The following RABGAP1 variants were observed in gnomAD, a reference collection of about 807,000 sequenced individuals.
The protein encoded by RABGAP1 is rab GTPase-activating protein 1.
In RABGAP1, 23 loss-of-function variants were observed where a neutral mutation model predicts 137.6. The observed-to-expected ratio is 0.17, with a 90% CI of 0.12 to 0.24. RABGAP1 has a LOEUF of 0.24. RABGAP1 is among the 10% of genes least tolerant of loss of function. The pLI, the probability that RABGAP1 is intolerant of heterozygous loss-of-function variation, is 1.00. For synonymous variants in RABGAP1, 451 were observed against 450.7 expected, an observed-to-expected ratio of 1.00 and a Z score of -0.01; for missense variants, 906 against 1,275.8, an observed-to-expected ratio of 0.71 and a Z score of 4.42.
chr9:122,975,747 G>C (rs1835730436), intron 2 of RABGAP1, among the ~76,000 whole-genome samples: 1 of 152,148 alleles, frequency 6.6e-6, no homozygotes, highest in Non-Finnish European at 1.5e-5. Flanking sequence ...AGATAGTTCT[G>C]TAAAAACCAC....
chr9:123,031,791 CTCTACAGGACA>C (rs940600950), intron 13 of RABGAP1, among the ~76,000 whole-genome samples: 44 of 152,310 alleles, frequency 2.9e-4, no homozygotes, highest in East Asian at 2.1e-3. Context: ...TGGTTGAAAT[CTCTACAGGACA>C]TCTACAGGAC....
intron 13 of RABGAP1, among the ~76,000 whole-genome samples, chr9:123,037,994 A>G (rs2032755018): frequency 6.6e-6 from 1 of 152,192 alleles, no homozygotes; most frequent in African/African-American, 2.4e-5. Context: ...CAGAGGAAAC[A>G]TATACTTTTG....
intron 12 of RABGAP1, among the ~76,000 whole-genome samples, chr9:123,016,027 G>C (rs1365374002): frequency 2.0e-5 from 3 of 152,150 alleles, no homozygotes; most frequent in Non-Finnish European, 4.4e-5. Flanking sequence ...TCCCTTATCT[G>C]TGATAAGTAT....
intron 13 of RABGAP1, among the ~76,000 whole-genome samples, chr9:123,026,184 C>T (rs938781004): frequency 2.0e-5 from 3 of 151,796 alleles, no homozygotes; most frequent in Non-Finnish European, 2.9e-5. Flanking sequence ...ATTAGCCGGC[C>T]GTGGTGGTGG....
rs117618097 is a variant in RABGAP1 at position 123,086,880 on chromosome 9, C to T, written c.2425-2878C>T. Among the ~76,000 whole-genome samples the T allele has an allele frequency of 4.3e-4, 66 of 152,248 alleles. No individual in the cohort carries two copies. In the East Asian group the frequency reaches 0.012, roughly 28 times the overall value. On this transcript the variant is annotated intron_variant, in intron 19 of 25. Transcript: ENST00000373647. The stretch of plus-strand genomic sequence containing the variant: ...GACTGATTCGGAAGTAAATGAAGAC[C>T]ATCAGCTAGAGAAACAAGCAGAGCT...
intron 19 of RABGAP1, among the ~76,000 whole-genome samples, chr9:123,079,447 C>T (rs1217092347): frequency 1.3e-5 from 2 of 151,996 alleles, no homozygotes. Flanking sequence ...CCATGTTGGC[C>T]AGGCTGGTCT....
intron 19 of RABGAP1, among the ~76,000 whole-genome samples, chr9:123,082,437 C>T (rs2034738186): frequency 6.6e-6 from 1 of 152,210 alleles, no homozygotes; most frequent in Non-Finnish European, 1.5e-5. Flanking sequence ...TTTCATACAA[C>T]TGCACCTTGC....
chr9:123,004,665 T>C (rs2030050106), intron 10 of RABGAP1, among the ~76,000 whole-genome samples: 1 of 152,204 alleles, frequency 6.6e-6, no homozygotes, highest in African/African-American at 2.4e-5. Context: ...TTTTCAGTAA[T>C]AATTTGACAT....
intron 1 of RABGAP1, among the ~76,000 whole-genome samples, chr9:122,953,147 A>G (rs940163137): frequency 8.5e-5 from 13 of 152,246 alleles, no homozygotes; most frequent in Non-Finnish European, 1.6e-4. Context: ...TAAGCCAAGA[A>G]GTAGAGATAG....
intron 13 of RABGAP1, among the ~76,000 whole-genome samples, chr9:123,028,690 G>A (rs1364520888): frequency 6.6e-6 from 1 of 152,182 alleles, no homozygotes; most frequent in Non-Finnish European, 1.5e-5. Flanking sequence ...GGCAACAGAA[G>A]CGAATGAAGC....
chr9:123,029,295 A>G (rs925783589), intron 13 of RABGAP1: 9 of 571,842 alleles, frequency 1.6e-5, no homozygotes, highest in Middle Eastern at 9.8e-4. Flanking sequence ...ATAATATGTT[A>G]ATTAATCAAT....
At chr9:123,072,877 T>C (rs2034399611) in intron 15 of RABGAP1, among the ~76,000 whole-genome samples, 1 of 152,206 alleles carries the variant, frequency 6.6e-6, no homozygotes, top group Admixed American at 6.6e-5. Flanking sequence ...AAATAACATT[T>C]CCAGTGCTTC....
intron 13 of RABGAP1, among the ~76,000 whole-genome samples, chr9:123,046,585 G>A (rs1487540984): frequency 6.6e-6 from 1 of 152,202 alleles, no homozygotes; most frequent in African/African-American, 2.4e-5. Flanking sequence ...ACTGTCTCAT[G>A]TGAGTATTGT....
chr9:123,068,384 G>C (rs927663839), intron 14 of RABGAP1, among the ~76,000 whole-genome samples: 1 of 150,118 alleles, frequency 6.7e-6, no homozygotes, highest in Non-Finnish European at 1.5e-5. Context: ...TCCATATCTA[G>C]ACATTGGGAG....
intron 10 of RABGAP1, among the ~76,000 whole-genome samples, chr9:123,002,300 A>G (rs1837361793): frequency 7.1e-6 from 1 of 140,912 alleles, no homozygotes; most frequent in East Asian, 2.2e-4. Context: ...AAACTCCGTC[A>G]AAAAAAAAAA....
intron 5 of RABGAP1, 186 bp from the exon 6 acceptor site, chr9:122,989,869 TA>T: frequency 1.6e-6 from 1 of 608,248 alleles, no homozygotes. Flanking sequence ...ATTTCTTTTT[TA>T]AAACCCCTTG....
intron 2 of RABGAP1, among the ~76,000 whole-genome samples, chr9:122,968,384 G>A (rs925085370): frequency 2.6e-5 from 4 of 151,584 alleles, no homozygotes; most frequent in African/African-American, 7.3e-5. Flanking sequence ...CACTATGCCC[G>A]GCTAATTTTC....
chr9:122,965,308 G>C (rs532373789), intron 2 of RABGAP1, among the ~76,000 whole-genome samples: 38 of 152,184 alleles, frequency 2.5e-4, no homozygotes, highest in Non-Finnish European at 4.6e-4. Flanking sequence ...TGGTTGCCTA[G>C]GGCTGGTTGG....
chr9:123,093,886 A>T (rs2035103209), intron 21 of RABGAP1, among the ~76,000 whole-genome samples: 1 of 152,242 alleles, frequency 6.6e-6, no homozygotes. Context: ...CATCTGAACA[A>T]CAGTTGAAGC....
Sources: allele counts gnomAD v4.1 joint callset (sites outside exome capture counted in the v4.1 genomes callset), GRCh38; gene constraint gnomAD v4.1.1; transcripts MANE v1.5; gene names NCBI Gene and HGNC (gene_info 2026-07-23, HGNC 2026-07-21).